OLFM2: variants seen among roughly 807,000 people sequenced by gnomAD.
OLFM2 encodes olfactomedin 2.
In OLFM2, 20 loss-of-function variants were observed where a neutral mutation model predicts 43.9. The ratio of observed to expected loss-of-function variants is 0.46; its 90% CI spans 0.32 to 0.66. The LOEUF (loss-of-function observed/expected upper bound fraction) is 0.66. OLFM2 is among the 30% of genes least tolerant of loss of function. OLFM2 has a pLI of 0.04. For synonymous variants in OLFM2, 268 were observed against 278.6 expected (o/e 0.96, Z 0.38); for missense variants, 416 against 643.6 (o/e 0.65, Z 3.83).
At chr19:9,919,296 AGCTGGG>A (rs1277238741) in intron 1 of OLFM2, among the ~76,000 whole-genome samples, 1 of 151,390 alleles carries the variant, frequency 6.6e-6, no homozygotes, top group African/African-American at 2.4e-5. Context: ...CCTCCGGAGT[AGCTGGG>A]GCTACAGGCG....
intron 1 of OLFM2, among the ~76,000 whole-genome samples, chr19:9,884,944 G>A (rs374285475): frequency 6.6e-5 from 10 of 152,006 alleles, no homozygotes; most frequent in Non-Finnish European, 1.2e-4. Context: ...CTTCCTCCCC[G>A]ACTCCCCAAC....
chr19:9,887,179 T>C (rs900984156), intron 1 of OLFM2, among the ~76,000 whole-genome samples: 5 of 152,280 alleles, frequency 3.3e-5, no homozygotes, highest in African/African-American at 9.6e-5. Context: ...ATTTTTCTTT[T>C]TCTTTCATTT....
chr19:9,906,849 A>T (rs765344819), intron 1 of OLFM2, among the ~76,000 whole-genome samples: 2 of 152,080 alleles, frequency 1.3e-5, no homozygotes, highest in Non-Finnish European at 2.9e-5. Flanking sequence ...TTTTGGCCCT[A>T]GCTACCCTCC....
At chr19:9,927,171 C>T (rs2086458767) in intron 1 of OLFM2, among the ~76,000 whole-genome samples, 1 of 149,714 alleles carries the variant, frequency 6.7e-6, no homozygotes, top group Non-Finnish European at 1.5e-5. Flanking sequence ...TAACCCAGTT[C>T]CTTGGGAGGC....
chr19:9,892,887 C>T (rs1356929130), intron 1 of OLFM2, among the ~76,000 whole-genome samples: 1 of 152,138 alleles, frequency 6.6e-6, no homozygotes, highest in African/African-American at 2.4e-5. Flanking sequence ...TCACAAGGTT[C>T]TGGTCTGATC....
At position 9,936,383 on chromosome 19, in the gene OLFM2, G is replaced by C. The variant is rs1363363335; in HGVS notation, c.-17C>G. 1 of 1,428,010 alleles carries C rather than the reference G, an allele frequency of 7.0e-7. No individual in the cohort carries two copies. The highest frequency in any genetic ancestry group is 1.4e-5 in the South Asian group (1 of 72,066). The allele number at this position is 1,428,010 out of a possible 1,614,324, so 88.5% of individuals were successfully genotyped here. A position where few individuals can be genotyped will look rare whatever the true frequency, so the allele number is the denominator to read the frequency against. On this transcript the variant is annotated 5_prime_UTR_variant, in exon 1 of 6. Transcript: ENST00000264833. ...CGGCCACATGACGCGCCCCTAGCCC[G>C]GCGTCCCGACCCCCGCCCGCCCTAG...
Position 9,860,678 on chromosome 19 carries a change from G to A in OLFM2, c.180C>T (p.Gly60=), listed in dbSNP as rs749660354. Residue 60 remains glycine (G), a synonymous_variant, in exon 2 of 6, where the codon GGC becomes GGT. Transcript: ENST00000264833. ...TCAGTTGCCGCAGCTCCCGACTCCTGCCATCTCGAGAGCAGGTACTCTGCG... is the reference window on the plus strand; with the variant it reads ...TCAGTTGCCGCAGCTCCCGACTCCTACCATCTCGAGAGCAGGTACTCTGCG... ...IPAQSTCSRD[G]RSRELRQLME... The A allele has an allele frequency of 6.3e-7, 1 of 1,597,308 alleles. No individual in the cohort carries two copies. Among genetic ancestry groups the A allele is most frequent in the Non-Finnish European group, 8.5e-7 (1 of 1,171,712 alleles).
rs1190777979 is a variant in OLFM2, at chr19:9,924,163, C to A, written c.63+12141G>T. Among the ~76,000 whole-genome samples the A allele has an allele frequency of 8.2e-5, 12 of 145,992 alleles. No homozygotes were observed. The Admixed American group carries it at 8.3e-4, about 10-fold the overall frequency. On this transcript the variant is annotated intron_variant, in intron 1 of 5. Transcript: ENST00000264833. ...CAGTGGCTCACACCTGTAATCCCAG[C>A]ACTTTGGGAGGCCAAGGCAGGCAGA...
Position 9,909,253 on chromosome 19 carries a change from C to T in OLFM2, c.63+27051G>A, listed in dbSNP as rs548583403. On this transcript the variant is annotated intron_variant, in intron 1 of 5. Transcript: ENST00000264833. ...CTCCCCTTCCCTCTCTCCAGCCCCCCAGGCAGAGGCGACGGTCAAGGGTAT... is the reference window on the plus strand; with the variant it reads ...CTCCCCTTCCCTCTCTCCAGCCCCCTAGGCAGAGGCGACGGTCAAGGGTAT... Among the ~76,000 whole-genome samples, 4 of 152,284 alleles carry T rather than the reference C, an allele frequency of 2.6e-5. No individual in the cohort carries two copies. The East Asian group carries it at 7.7e-4, about 29-fold the overall frequency.
chr19:9,919,174 C>CTTTTTTTT (rs201501920), intron 1 of OLFM2, among the ~76,000 whole-genome samples: 1 of 123,152 alleles, frequency 8.1e-6, no homozygotes, highest in African/African-American at 3.0e-5. Flanking sequence ...TCATTTCTCT[C>CTTTTTTTT]TCTTTTTTTT....
intron 2 of OLFM2, 24 bp downstream of exon 2, chr19:9,860,621 C>G: frequency 3.8e-6 from 6 of 1,564,842 alleles, no homozygotes; most frequent in Non-Finnish European, 5.2e-6. Context: ...CCAGCTGCCC[C>G]CAGGGTACCT....
intron 1 of OLFM2, among the ~76,000 whole-genome samples, chr19:9,932,197 T>C (rs8110355): frequency 3.3e-5 from 5 of 151,740 alleles, no homozygotes; most frequent in Admixed American, 2.0e-4. Context: ...TGGTGGCTCA[T>C]GCCTATAATC....
intron 1 of OLFM2, among the ~76,000 whole-genome samples, chr19:9,894,968 A>C (rs191055048): frequency 3.0e-4 from 45 of 152,122 alleles, no homozygotes; most frequent in Non-Finnish European, 4.1e-4. Context: ...CTCAAACTGA[A>C]GTGCACAGCC....
chr19:9,858,700 C>T (rs905404672), intron 2 of OLFM2, among the ~76,000 whole-genome samples: 8 of 152,184 alleles, frequency 5.3e-5, no homozygotes, highest in African/African-American at 1.9e-4. Context: ...CACCTGGCTA[C>T]GGTGAACTCC....
At chr19:9,871,942 A>G (rs144229725) in intron 1 of OLFM2, among the ~76,000 whole-genome samples, 286 of 152,320 alleles carry the variant, frequency 1.9e-3, no homozygotes, top group African/African-American at 6.6e-3. Flanking sequence ...CCTTTCTGCC[A>G]CGGAGCTTGC....
chr19:9,925,778 G>A (rs921468783), intron 1 of OLFM2, among the ~76,000 whole-genome samples: 1 of 151,220 alleles, frequency 6.6e-6, no homozygotes, highest in Non-Finnish European at 1.5e-5. Context: ...ATTGAACTCA[G>A]TGTCTCAAAA....
chr19:9,874,214 G>A (rs1022756527), intron 1 of OLFM2, among the ~76,000 whole-genome samples: 1 of 151,964 alleles, frequency 6.6e-6, no homozygotes, highest in African/African-American at 2.4e-5. Flanking sequence ...TACACTCAGT[G>A]GTTATCACAT....
At chr19:9,899,855 C>T (rs1364916151) in intron 1 of OLFM2, among the ~76,000 whole-genome samples, 6 of 151,906 alleles carry the variant, frequency 3.9e-5, no homozygotes, top group Non-Finnish European at 7.4e-5. Flanking sequence ...CCACACCCGC[C>T]CCACCCCCGC....
chr19:9,879,511 G>T (rs1219762164), intron 1 of OLFM2, among the ~76,000 whole-genome samples: 2 of 152,086 alleles, frequency 1.3e-5, no homozygotes, highest in African/African-American at 2.4e-5. Context: ...AAACCCGCCT[G>T]CTTCCCTTTC....
Sources: allele counts gnomAD v4.1 joint callset (sites outside exome capture counted in the v4.1 genomes callset), GRCh38; gene constraint gnomAD v4.1.1; transcripts MANE v1.5; gene names NCBI Gene and HGNC (gene_info 2026-07-23, HGNC 2026-07-21).